Variants in ZNF559 observed in about 807,000 individuals in gnomAD.
ZNF559 encodes zinc finger protein 559, also known as putative protein product of Nbla00121.
ZNF559 carries 17 observed loss-of-function variants against 14.2 expected under a neutral mutation model. That is an observed-to-expected ratio of 1.20 (90% CI 0.82 to 1.80). ZNF559 has a LOEUF of 1.80. ZNF559 is among the 40% of genes most tolerant of loss of function. ZNF559 has a pLI of 0.00. For synonymous variants in ZNF559, 244 were observed against 212.4 expected (o/e 1.15, Z -1.29); for missense variants, 740 against 629.7 (o/e 1.18, Z -1.88).
chr19:9,343,068 A>C lies in ZNF559; in HGVS notation c.1617A>C (p.Ter539CysextTer45). Residue 539 changes from the stop codon to cysteine (C), a stop_lost, in exon 7 of 7, where the codon TGA (stop) becomes TGC (cysteine). Coordinates refer to ENST00000603380, the MANE Select transcript of ZNF559 (RefSeq NM_032497.3). ...SNSSCLTECV* is the reference protein window; with the variant it reads ...SNSSCLTECVC ...CCTCATGCCTTACTGAATGTGTGTGAATTGGGGCTGATACTTGGAAAGAAT... is the reference window on the plus strand; with the variant it reads ...CCTCATGCCTTACTGAATGTGTGTGCATTGGGGCTGATACTTGGAAAGAAT... 6.2e-7 allele frequency: 1 copy of C among 1,605,384 alleles called. No homozygotes were observed. The highest frequency in any genetic ancestry group is 8.5e-7 in the Non-Finnish European group (1 of 1,176,074).
chr19:9,328,199 T>C (rs536072535), intron 2 of ZNF559, among the ~76,000 whole-genome samples: 7 of 152,130 alleles, frequency 4.6e-5, no homozygotes, highest in Non-Finnish European at 8.8e-5. Context: ...AGATGACTAG[T>C]ATTACTACCA....
rs940310462 is a variant in ZNF559 at position 9,343,625 on chromosome 19, G to A, written c.*557G>A. The stretch of plus-strand genomic sequence containing the variant: ...GGGAACATGTCAAAGCACACATTGA[G>A]AAGTCCCATGAGTGAAAGAGATGTT... On this transcript the variant is annotated 3_prime_UTR_variant, in exon 7 of 7. Coordinates refer to ENST00000603380, the MANE Select transcript of ZNF559 (RefSeq NM_032497.3). 1 of 989,748 alleles carries A rather than the reference G, an allele frequency of 1.0e-6. No individual in the cohort carries two copies. Among genetic ancestry groups the A allele is most frequent in the African/African-American group, 1.7e-5 (1 of 57,238 alleles). 61.3% of individuals were successfully genotyped at this position (989,748 alleles called of 1,614,324 possible).
In ZNF559 at chr19:9,342,203, C is replaced by A. The variant is rs16979670; in HGVS notation, c.752C>A (p.Thr251Asn). The change falls in exon 7 of 7, where the codon ACT (threonine) becomes AAT (asparagine). Residue 251 changes from threonine (T) to asparagine (N), a missense_variant. Physicochemically the swap from Thr to Asn is moderately conservative, Grantham distance 65. Coordinates refer to ENST00000603380, the MANE Select transcript of ZNF559 (RefSeq NM_032497.3). ...TGTAAAGCATGTGGGAAACCCTTCA[C>A]TGAGTCGTCATATCTTACTCAACAT... is the stretch of plus-strand genomic sequence containing the variant. Reference protein sequence around the residue: ...YECKACGKPFTESSYLTQHLR... With the variant: ...YECKACGKPFNESSYLTQHLR... 25,444 of 1,601,828 alleles carry A rather than the reference C, an allele frequency of 0.016. 617 individuals are homozygous for A. The highest frequency in any genetic ancestry group is 0.12 in the African/African-American group (8,549 of 74,140).
At position 9,343,514 on chromosome 19, in the gene ZNF559, A is replaced by C. The variant is rs555857274; in HGVS notation, c.*446A>C. On this transcript the variant is annotated 3_prime_UTR_variant, in exon 7 of 7. Coordinates refer to ENST00000603380, the MANE Select transcript of ZNF559 (RefSeq NM_032497.3). The stretch of plus-strand genomic sequence containing the variant: ...AACCTTTCACTCTGCCTTATACCTT[A>C]ATATTCAGCTGTGATCTCACAAGTG... 1.6e-4 allele frequency: 156 copies of C among 1,001,684 alleles called. 1 individual carries two copies. The Middle Eastern group carries it at 3.6e-3, about 23-fold the overall frequency. 62.0% of individuals were successfully genotyped at this position (1,001,684 alleles called of 1,614,324 possible).
chr19:9,324,160 G>A (rs2066430011), upstream of ZNF559: 2 of 1,536,036 alleles, frequency 1.3e-6, no homozygotes, highest in Non-Finnish European at 1.7e-6. Context: ...GCGCGTGCGC[G>A]GCGTGTCTGC....
At position 9,341,942 on chromosome 19, in the gene ZNF559, G is replaced by T. The variant is rs1157808026; in HGVS notation, c.491G>T (p.Cys164Phe). Residue 164 changes from cysteine to phenylalanine, a missense_variant, in exon 7 of 7, where the codon TGC (cysteine) becomes TTC (phenylalanine). Physicochemically the swap from Cys to Phe is radical, Grantham distance 205 (BLOSUM62 -2). Coordinates refer to ENST00000603380, the MANE Select transcript of ZNF559 (RefSeq NM_032497.3). ...TTCAGCCAACATCTACATCTTGTTT[G>T]CAAGAAAACTAGCCAAAATCTACAT... Reference protein sequence around the residue: ...TAFSQHLHLVCKKTSQNLHLV... With the variant: ...TAFSQHLHLVFKKTSQNLHLV... The T allele has an allele frequency of 2.5e-6, 4 of 1,613,686 alleles. No individual in the cohort carries two copies. The South Asian group carries it at 3.3e-5, about 13-fold the overall frequency.
At chr19:9,337,408 G>C (rs1194974153) in intron 2 of ZNF559, among the ~76,000 whole-genome samples, 2 of 152,222 alleles carry the variant, frequency 1.3e-5, no homozygotes, top group Admixed American at 1.3e-4. Context: ...CCAAGTGTCA[G>C]TCCTGAAGAC....
chr19:9,327,071 A>G (rs1350935628), intron 2 of ZNF559, among the ~76,000 whole-genome samples: 1 of 152,176 alleles, frequency 6.6e-6, no homozygotes, highest in Non-Finnish European at 1.5e-5. Context: ...TCCTATCAGT[A>G]GTCACATACT....
Position 9,338,145 on chromosome 19 carries a change from C to T in ZNF559, c.-57+287C>T, listed in dbSNP as rs540650282. ...TACCTAGAAGAGGCTAAAGTAGATA[C>T]GAATATTCTGTGGTCTAAATCCTGG... On this transcript the variant is annotated intron_variant, in intron 3 of 6. Coordinates refer to ENST00000603380, the MANE Select transcript of ZNF559 (RefSeq NM_032497.3). The T allele has an allele frequency of 8.6e-5, 70 of 813,742 alleles. 1 individual carries two copies. Among genetic ancestry groups the T allele is most frequent in the South Asian group, 8.5e-4 (56 of 66,196 alleles). The allele number at this position is 813,742 out of a possible 1,614,324, so 50.4% of individuals were successfully genotyped here.
Position 9,337,777 on chromosome 19 carries a change from A to G in ZNF559, c.-119-19A>G. 1.4e-6 allele frequency: 2 copies of G among 1,426,646 alleles called. No homozygotes were observed. The highest frequency in any genetic ancestry group is 5.1e-5 in the East Asian group (2 of 38,978). 88.4% of individuals were successfully genotyped at this position (1,426,646 alleles called of 1,614,324 possible). On this transcript the variant is annotated intron_variant, in intron 2 of 6. Transcript: ENST00000603380. ...TAATACTCTAGTGGCACTCACATGA[A>G]CAACTTCATCTTCTGCAGAGAGATG...
Position 9,343,014 on chromosome 19 carries a change from T to C in ZNF559, c.1563T>C (p.Tyr521=). ...HLRSHSVEKP[Y]KECGQTFSNS... ...GAAGTCATAGTGTGGAGAAACCATA[T>C]AAGGAATGTGGGCAAACCTTTAGTA... The change falls in exon 7 of 7, where the codon TAT becomes TAC. Residue 521 remains tyrosine (Y), a synonymous_variant. Coordinates refer to ENST00000603380, the MANE Select transcript of ZNF559 (RefSeq NM_032497.3). 1 of 1,614,138 alleles carries C rather than the reference T, an allele frequency of 6.2e-7. No homozygotes were observed. The highest frequency in any genetic ancestry group is 8.5e-7 in the Non-Finnish European group (1 of 1,180,006).
intron 6 of ZNF559, 118 bp downstream of exon 6, chr19:9,341,302 A>G: frequency 1.0e-6 from 1 of 977,460 alleles, no homozygotes; most frequent in Non-Finnish European, 1.6e-6. Context: ...TTTTCACCCA[A>G]AAATAATCTG....
rs1346408442 is a variant in ZNF559, at chr19:9,324,768, C to A, written c.-132C>A. ...TCCTGGCCTCAGCAACCTGACAATT[C>A]TGTCGTGTCCCGGTGAGCACTTCAT... is the stretch of plus-strand genomic sequence containing the variant. On this transcript the variant is annotated 5_prime_UTR_variant, in exon 2 of 7. The change creates a new upstream start codon in the 5' untranslated region. Transcript: ENST00000603380. 2.0e-6 allele frequency: 3 copies of A among 1,536,092 alleles called. No homozygotes were observed. The highest frequency in any genetic ancestry group is 1.4e-5 in the African/African-American group (1 of 73,144).
At position 9,342,214 on chromosome 19, in the gene ZNF559, T is replaced by C. The variant is rs2067616600; in HGVS notation, c.763T>C (p.Tyr255His). 1.9e-6 allele frequency: 3 copies of C among 1,593,606 alleles called. No homozygotes were observed. The highest frequency in any genetic ancestry group is 2.6e-6 in the Non-Finnish European group (3 of 1,173,536). ...TGGGAAACCCTTCACTGAGTCGTCA[T>C]ATCTTACTCAACATTTAAGAACTCA... ...ACGKPFTESS[Y>H]LTQHLRTHSR... Residue 255 changes from tyrosine (Y) to histidine (H), a missense_variant, in exon 7 of 7, where the codon TAT becomes CAT. Physicochemically the swap from Tyr to His is moderately conservative, Grantham distance 83. Transcript: ENST00000603380.
rs1056201396 is a variant in ZNF559, at chr19:9,341,537, A to G, written c.244-158A>G. On this transcript the variant is annotated intron_variant, in intron 6 of 6. Coordinates refer to ENST00000603380, the MANE Select transcript of ZNF559 (RefSeq NM_032497.3). Reference sequence around the variant, plus strand: ...CACTTTGTTCCACTTGAAAACACTCAGGTCTGAACCATGCCTTGCAATGAA... The same window carrying G: ...CACTTTGTTCCACTTGAAAACACTCGGGTCTGAACCATGCCTTGCAATGAA... 3.8e-6 allele frequency: 5 copies of G among 1,309,572 alleles called. No individual in the cohort carries two copies. The African/African-American group carries it at 7.4e-5, about 19-fold the overall frequency. 81.1% of individuals were successfully genotyped at this position (1,309,572 alleles called of 1,614,324 possible).
At chr19:9,335,327 G>T (rs546792769) in intron 2 of ZNF559, among the ~76,000 whole-genome samples, 67 of 151,954 alleles carry the variant, frequency 4.4e-4, no homozygotes, top group African/African-American at 1.3e-3. Context: ...GGCCGGGTGT[G>T]GTGGTGGCTT....
rs569028873 is a variant in ZNF559 at position 9,345,711 on chromosome 19, G to A, written c.*2643G>A. On this transcript the variant is annotated 3_prime_UTR_variant, in exon 7 of 7. Coordinates refer to ENST00000603380, the MANE Select transcript of ZNF559 (RefSeq NM_032497.3). ...CTCTGTCTCCCAGGCTGAAGTGCGT[G>A]GCACGATCATGTGGTTTTGCAATAT... 5.2e-4 allele frequency: 79 copies of A among 151,120 alleles called. 1 individual carries two copies. The Middle Eastern group carries it at 0.014, about 26-fold the overall frequency. The allele number at this position is 151,120 out of a possible 1,614,324, so 9.4% of individuals were successfully genotyped here.
intron 5 of ZNF559, among the ~76,000 whole-genome samples, chr19:9,340,244 A>G (rs1240126561): frequency 6.6e-6 from 1 of 152,128 alleles, no homozygotes; most frequent in African/African-American, 2.4e-5. Flanking sequence ...TGTGAGAAAC[A>G]GCCCTGATCT....
chr19:9,343,915 C>G lies in ZNF559; in HGVS notation c.*847C>G, dbSNP rs1422709783. 35 of 683,762 alleles carry G rather than the reference C, an allele frequency of 5.1e-5. No homozygotes were observed. Among genetic ancestry groups the G allele is most frequent in the Non-Finnish European group, 6.1e-5 (34 of 555,006 alleles). The allele number at this position is 683,762 out of a possible 1,614,324, so 42.4% of individuals were successfully genotyped here. A position where few individuals can be genotyped will look rare whatever the true frequency, so the allele number is the denominator to read the frequency against. ...TTATTATTGAGGAGTTCCACTCTTT[C>G]CCCCATTTGTCACTACTACACTTCC... On this transcript the variant is annotated 3_prime_UTR_variant, in exon 7 of 7. Transcript: ENST00000603380.
Sources: gnomAD v4.1 joint callset for allele counts (sites outside exome capture counted in the v4.1 genomes callset) on GRCh38, gnomAD v4.1.1 for gene constraint, MANE v1.5 for transcripts, NCBI Gene and HGNC (gene_info 2026-07-23, HGNC 2026-07-21) for gene names.